The following CSMD1 variants were observed in gnomAD, a reference collection of about 807,000 sequenced individuals.
The protein encoded by CSMD1 is CUB and Sushi multiple domains 1.
A neutral mutation model predicts 417.5 loss-of-function variants in CSMD1; 213 were observed. The observed-to-expected ratio is 0.51, with a 90% confidence interval of 0.46 to 0.57. The LOEUF is 0.57. CSMD1 is among the 20% of genes least tolerant of loss of function. The pLI is 0.00. For synonymous variants in CSMD1, 2,862 were observed against 1,736.8 expected (o/e 1.65, Z -16.11); for missense variants, 6,923 against 4,529.7 (o/e 1.53, Z -15.17).
intron 41 of CSMD1, among the ~76,000 whole-genome samples, chr8:3,119,144 C>T (rs144735501): frequency 0.045 from 6,903 of 151,940 alleles, 244 homozygotes; most frequent in Middle Eastern, 0.071. Flanking sequence ...CTTGCCACTG[C>T]GCTCCAGCCC....
chr8:3,661,998 G>A (rs1220136221), intron 7 of CSMD1, among the ~76,000 whole-genome samples: 1 of 152,172 alleles, frequency 6.6e-6, no homozygotes, highest in Non-Finnish European at 1.5e-5. Context: ...GAGCTACGCA[G>A]ACCTTGATGG....
At chr8:4,364,055 G>T (rs1012112336) in intron 3 of CSMD1, among the ~76,000 whole-genome samples, 2 of 152,160 alleles carry the variant, frequency 1.3e-5, no homozygotes, top group Non-Finnish European at 2.9e-5. Context: ...TAATTGAATT[G>T]TCTGTAACAG....
At chr8:4,593,154 T>A (rs1022936350) in intron 2 of CSMD1, among the ~76,000 whole-genome samples, 1 of 152,148 alleles carries the variant, frequency 6.6e-6, no homozygotes, top group Non-Finnish European at 1.5e-5. Flanking sequence ...GGTCTCAGCA[T>A]TGAGAGGACC....
chr8:3,833,727 T>G lies in CSMD1; in HGVS notation c.819-79685A>C, dbSNP rs1406138633. Among the ~76,000 whole-genome samples, 3 of 152,280 alleles carry G rather than the reference T, an allele frequency of 2.0e-5. No homozygotes were observed. The South Asian group carries it at 6.2e-4, about 32-fold the overall frequency. ...TGGTTACATATATATAAGGTCTATG[T>G]TGGCACTTACATGGATAATTTTTAA... On this transcript the variant is annotated intron_variant, in intron 5 of 69. Coordinates refer to ENST00000635120, the MANE Select transcript of CSMD1 (RefSeq NM_033225.6).
At chr8:4,094,177 C>T (rs1449774047) in intron 3 of CSMD1, among the ~76,000 whole-genome samples, 1 of 152,022 alleles carries the variant, frequency 6.6e-6, no homozygotes, top group Non-Finnish European at 1.5e-5. Context: ...ATGTGGTGAG[C>T]ACTCTTTGGA....
At chr8:4,667,277 C>T (rs1347038840) in intron 1 of CSMD1, among the ~76,000 whole-genome samples, 1 of 152,020 alleles carries the variant, frequency 6.6e-6, no homozygotes, top group Non-Finnish European at 1.5e-5. Context: ...ATCTTGAAAT[C>T]AGAGTGTGTT....
intron 2 of CSMD1, among the ~76,000 whole-genome samples, chr8:4,498,265 C>G (rs1472036670): frequency 4.6e-5 from 7 of 152,160 alleles, no homozygotes; most frequent in African/African-American, 1.7e-4. Flanking sequence ...AAAGTACAAA[C>G]TACTTGTTTC....
chr8:4,777,349 G>C (rs1235930526), intron 1 of CSMD1, among the ~76,000 whole-genome samples: 2 of 152,194 alleles, frequency 1.3e-5, no homozygotes, highest in African/African-American at 4.8e-5. Flanking sequence ...GCCTTTGGTA[G>C]ATGAGATGTC....
At chr8:3,709,153 A>ATTTTTT (rs10646728) in intron 6 of CSMD1, among the ~76,000 whole-genome samples, 3,666 of 146,194 alleles carry the variant, frequency 0.025, 157 homozygotes, top group African/African-American at 0.088. Context: ...AAGAAGTTTC[A>ATTTTTT]TTTTTTTTTT....
chr8:3,581,019 T>C (rs1800360184), intron 9 of CSMD1, among the ~76,000 whole-genome samples: 1 of 152,176 alleles, frequency 6.6e-6, no homozygotes, highest in African/African-American at 2.4e-5. Flanking sequence ...GTAACCACAG[T>C]TACAACTGGC....
At chr8:3,781,346 C>G (rs753029204) in intron 5 of CSMD1, among the ~76,000 whole-genome samples, 13 of 152,040 alleles carry the variant, frequency 8.6e-5, no homozygotes, top group Non-Finnish European at 1.5e-4. Context: ...TCATTGAACA[C>G]GGAGTCTAGG....
chr8:4,963,232 G>C (rs1028568678), intron 1 of CSMD1, among the ~76,000 whole-genome samples: 1 of 152,004 alleles, frequency 6.6e-6, no homozygotes, highest in Non-Finnish European at 1.5e-5. Flanking sequence ...ATGGAGTCTT[G>C]CTCTGTCACG....
intron 3 of CSMD1, among the ~76,000 whole-genome samples, chr8:4,373,393 G>A (rs866138263): frequency 6.6e-6 from 1 of 152,182 alleles, no homozygotes; most frequent in African/African-American, 2.4e-5. Flanking sequence ...TGTGCCACCA[G>A]AATATAAAAT....
At chr8:4,019,282 G>A (rs1485852321) in intron 4 of CSMD1, among the ~76,000 whole-genome samples, 1 of 152,124 alleles carries the variant, frequency 6.6e-6, no homozygotes, top group Non-Finnish European at 1.5e-5. Flanking sequence ...AAAGATTCAG[G>A]GCGAGAGAGC....
chr8:3,452,298 T>C (rs1218750096), intron 12 of CSMD1, among the ~76,000 whole-genome samples: 1 of 152,206 alleles, frequency 6.6e-6, no homozygotes, highest in African/African-American at 2.4e-5. Flanking sequence ...CCTAATTGAA[T>C]ACCCTTTATT....
intron 1 of CSMD1, among the ~76,000 whole-genome samples, chr8:4,888,553 T>A (rs1046156696): frequency 6.6e-6 from 1 of 150,800 alleles, no homozygotes; most frequent in Admixed American, 6.6e-5. Context: ...TATGTGAGAG[T>A]CTATGGACCC....
At chr8:3,611,502 A>C (rs1320070387) in intron 8 of CSMD1, among the ~76,000 whole-genome samples, 1 of 151,898 alleles carries the variant, frequency 6.6e-6, no homozygotes, top group African/African-American at 2.4e-5. Context: ...ATTTATAAAA[A>C]CTGAATGAGT....
At chr8:3,666,608 G>A (rs1798708333) in intron 7 of CSMD1, among the ~76,000 whole-genome samples, 1 of 152,116 alleles carries the variant, frequency 6.6e-6, no homozygotes, top group Non-Finnish European at 1.5e-5. Flanking sequence ...ACTCCCATGT[G>A]TTGTGAGAGG....
At chr8:4,393,256 G>C (rs538555680) in intron 3 of CSMD1, among the ~76,000 whole-genome samples, 1 of 152,126 alleles carries the variant, frequency 6.6e-6, no homozygotes, top group Non-Finnish European at 1.5e-5. Context: ...GATTACAGGC[G>C]TGAGCCACCC....
Sources: gnomAD v4.1 joint callset for allele counts (sites outside exome capture counted in the v4.1 genomes callset) on GRCh38, gnomAD v4.1.1 for gene constraint, MANE v1.5 for transcripts, NCBI Gene and HGNC (gene_info 2026-07-23, HGNC 2026-07-21) for gene names.